KANSL1: variants seen among roughly 807,000 people sequenced by gnomAD.
The protein encoded by KANSL1 is KAT8 regulatory NSL complex subunit 1.
KANSL1 carries 22 observed loss-of-function variants against 103.6 expected under a neutral mutation model. The observed-to-expected ratio is 0.21, with a 90% CI of 0.15 to 0.30. KANSL1 has a LOEUF of 0.30. KANSL1 is among the 10% of genes least tolerant of loss of function. KANSL1 has a pLI of 1.00. For synonymous variants in KANSL1, 600 were observed against 527.6 expected (o/e 1.14, Z -1.88); for missense variants, 1,337 against 1,399.8 (o/e 0.96, Z 0.72).
chr17:46,176,690 T>C (rs1205984517), intron 1 of KANSL1, among the ~76,000 whole-genome samples: 1 of 107,504 alleles, frequency 9.3e-6, no homozygotes, highest in East Asian at 2.0e-4. Flanking sequence ...AGACTCCATC[T>C]TAAAAAAAAA....
chr17:46,138,463 A>G (rs1334964037), intron 2 of KANSL1, among the ~76,000 whole-genome samples: 1 of 152,240 alleles, frequency 6.6e-6, no homozygotes, highest in Non-Finnish European at 1.5e-5. Context: ...GAGGATGTGC[A>G]TAGGTTATAC....
chr17:46,210,499 A>ATAAATATGTGAATATAATTT (rs1567806897), intron 1 of KANSL1, among the ~76,000 whole-genome samples: 12 of 79,792 alleles, frequency 1.5e-4, no homozygotes, highest in South Asian at 3.8e-4. Flanking sequence ...AAAAAAAAAA[A>ATAAATATGTGAATATAATTT]AAAGACCTGA....
intron 2 of KANSL1, among the ~76,000 whole-genome samples, chr17:46,147,572 T>TAAAAAAAAAAAAAAAAAAAAAAAA (rs10717937): frequency 9.7e-6 from 1 of 103,068 alleles, no homozygotes. Flanking sequence ...TGAGACTCTT[T>TAAAAAAAAAAAAAAAAAAAAAAAA]AAAAAAAAAA....
chr17:46,114,028 AAGTC>A (rs2042936114), intron 2 of KANSL1, among the ~76,000 whole-genome samples: 1 of 152,230 alleles, frequency 6.6e-6, no homozygotes, highest in African/African-American at 2.4e-5. Context: ...GTCATAAGCC[AAGTC>A]AGACTGTCAA....
chr17:46,033,309 CCACA>C (rs1205539274), intron 12 of KANSL1, 90 bp downstream of exon 12: 1 of 1,462,712 alleles, frequency 6.8e-7, no homozygotes, highest in African/African-American at 1.4e-5. Context: ...CACTTCACAC[CCACA>C]AGTCTTCAGG....
intron 2 of KANSL1, among the ~76,000 whole-genome samples, chr17:46,152,118 T>C (rs2147501438): frequency 6.6e-6 from 1 of 152,360 alleles, no homozygotes; most frequent in Middle Eastern, 3.4e-3. Context: ...TCAAAGGTAC[T>C]TACAGTGGGA....
intron 1 of KANSL1, among the ~76,000 whole-genome samples, chr17:46,203,299 C>T (rs2047865334): frequency 6.6e-6 from 1 of 152,188 alleles, no homozygotes; most frequent in Non-Finnish European, 1.5e-5. Context: ...ACTCACACTT[C>T]CCAGAATACC....
At chr17:46,180,351 A>T (rs2046727266) in intron 1 of KANSL1, among the ~76,000 whole-genome samples, 1 of 152,026 alleles carries the variant, frequency 6.6e-6, no homozygotes, top group Non-Finnish European at 1.5e-5. Flanking sequence ...CAAAAAAATC[A>T]GCTGGGTGTG....
chr17:46,131,934 CTGGACAACATGG>C (rs1160568044), intron 2 of KANSL1, among the ~76,000 whole-genome samples: 1 of 152,150 alleles, frequency 6.6e-6, no homozygotes, highest in African/African-American at 2.4e-5. Flanking sequence ...TGAGACCATC[CTGGACAACATGG>C]TGAAACTCTG....
intron 2 of KANSL1, among the ~76,000 whole-genome samples, chr17:46,129,597 A>C (rs2043745345): frequency 1.3e-5 from 2 of 152,250 alleles, no homozygotes; most frequent in Admixed American, 1.3e-4. Context: ...CTGATAAATC[A>C]GTCAGAGTGT....
chr17:46,166,398 G>A (rs2046002484), intron 2 of KANSL1, among the ~76,000 whole-genome samples: 1 of 151,802 alleles, frequency 6.6e-6, no homozygotes, highest in Non-Finnish European at 1.5e-5. Flanking sequence ...TGTAATTCCA[G>A]CTACTCAGAA....
intron 2 of KANSL1, among the ~76,000 whole-genome samples, chr17:46,107,603 C>A (rs915235804): frequency 6.6e-6 from 1 of 152,202 alleles, no homozygotes; most frequent in Non-Finnish European, 1.5e-5. Flanking sequence ...TCTAGGTGAT[C>A]TTACCCAAAC....
At position 46,074,829 on chromosome 17, in the gene KANSL1, GA is replaced by G. The variant is rs150629656; in HGVS notation, c.1534-7163del. Among the ~76,000 whole-genome samples, 764 of 151,612 alleles carry G rather than the reference GA, an allele frequency of 5.0e-3. 17 individuals carry two copies. The highest frequency in any genetic ancestry group is 0.018 in the African/African-American group (738 of 41,374). On this transcript the variant is annotated intron_variant, in intron 4 of 14. Coordinates refer to ENST00000432791, the MANE Select transcript of KANSL1 (RefSeq NM_015443.4). ...TAAATATTGTCAGTTATTACAAAGG[GA>G]AAAATGCTAATTTTACAGAGGAGAA...
chr17:46,073,681 A>T (rs1296807946), intron 4 of KANSL1, among the ~76,000 whole-genome samples: 1 of 152,210 alleles, frequency 6.6e-6, no homozygotes. Flanking sequence ...TGAATACTGT[A>T]GTAACAAATG....
intron 1 of KANSL1, among the ~76,000 whole-genome samples, chr17:46,180,292 T>C (rs2046723911): frequency 6.6e-6 from 1 of 150,714 alleles, no homozygotes; most frequent in African/African-American, 2.4e-5. Flanking sequence ...GGTCAGGAGT[T>C]TGAAACCAGC....
chr17:46,058,664 C>T (rs933317), intron 6 of KANSL1, among the ~76,000 whole-genome samples: 16,440 of 146,860 alleles, frequency 0.11, 1,251 homozygotes, highest in Non-Finnish European at 0.16. Context: ...ATATGGATAG[C>T]TTGTATCAAA....
chr17:46,052,964 CAAAAAAAAAAAAAAAAAAAAAAAAAA>C (rs34473927), intron 6 of KANSL1, among the ~76,000 whole-genome samples: 8 of 33,006 alleles, frequency 2.4e-4, no homozygotes, highest in Middle Eastern at 0.026. Context: ...ATCCTGTCTC[CAAAAAAAAAAAAAAAAAAAAAAAAAA>C]AAAAAAAAAA....
rs1165902493 is a variant in KANSL1, at chr17:46,170,931, T to C, written c.1213A>G (p.Ser405Gly). 5.0e-6 allele frequency: 8 copies of C among 1,614,188 alleles called. No homozygotes were observed. Among genetic ancestry groups the C allele is most frequent in the Non-Finnish European group, 5.9e-6 (7 of 1,180,036 alleles). Reference protein sequence around the residue: ...EQAFDSDVTDSSSGGESDIEE... With the variant: ...EQAFDSDVTDGSSGGESDIEE... ...ATATCAGACTCCCCTCCTGAACTAC[T>C]GTCAGTGACATCTGAATCAAATGCC... Residue 405 changes from serine (S) to glycine (G), a missense_variant, in exon 2 of 15, where the codon AGT becomes GGT. This residue lies in a region of KANSL1 where 780 missense variants were observed against 923.4 expected (regional missense o/e 0.84). Transcript: ENST00000432791.
chr17:46,126,302 C>T (rs1389792818), intron 2 of KANSL1, among the ~76,000 whole-genome samples: 6 of 152,042 alleles, frequency 3.9e-5, no homozygotes, highest in African/African-American at 1.2e-4. Flanking sequence ...ATTAGCTGGG[C>T]GTGGTGATGG....
Sources: gnomAD v4.1 joint callset for allele counts (sites outside exome capture counted in the v4.1 genomes callset) on GRCh38, gnomAD v4.1.1 for gene constraint, gnomAD v4.1.1 regional missense constraint, MANE v1.5 for transcripts, NCBI Gene and HGNC (gene_info 2026-07-23, HGNC 2026-07-21) for gene names.